Variants in ACSM2B observed in about 807,000 individuals in gnomAD.
ACSM2B encodes acyl-CoA synthetase medium chain family member 2B, also known as acyl-coenzyme A synthetase ACSM2B, mitochondrial.
ACSM2B carries 58 observed loss-of-function variants against 78.6 expected under a neutral mutation model. The ratio of observed to expected loss-of-function variants is 0.74; its 90% CI spans 0.60 to 0.92. The LOEUF is 0.92. ACSM2B is among the 40% of genes least tolerant of loss of function. The pLI is 0.00. For missense variants in ACSM2B, 688 were observed against 711.2 expected, an observed-to-expected ratio of 0.97 and a Z score of 0.37; for synonymous variants, 257 against 256.8, an observed-to-expected ratio of 1.00 and a Z score of -0.01.
At chr16:20,540,890 C>G in intron 12 of ACSM2B, 117 bp from the exon 13 acceptor site, 1 of 1,426,114 alleles carries the variant, frequency 7.0e-7, no homozygotes. Flanking sequence ...TTTGCACCCC[C>G]GGTGATCCAG....
intron 8 of ACSM2B, chr16:20,547,301 T>C (rs1248909690): frequency 1.0e-6 from 1 of 985,366 alleles, no homozygotes; most frequent in Non-Finnish European, 1.2e-6. Flanking sequence ...CACAACTCCA[T>C]TGTCCTTATT....
chr16:20,550,490 AT>A (rs1168794209), intron 6 of ACSM2B, among the ~76,000 whole-genome samples: 1 of 151,990 alleles, frequency 6.6e-6, no homozygotes, highest in Non-Finnish European at 1.5e-5. Context: ...GTCTGTTTTC[AT>A]TTTTTTAATG....
At chr16:20,564,249 A>G (rs1310426874) in intron 2 of ACSM2B, among the ~76,000 whole-genome samples, 1 of 151,876 alleles carries the variant, frequency 6.6e-6, no homozygotes, top group Non-Finnish European at 1.5e-5. Context: ...ATGTGCCACC[A>G]TGCCTGGCTA....
At chr16:20,559,921 T>G (rs58621128) in intron 2 of ACSM2B, among the ~76,000 whole-genome samples, 28,059 of 151,026 alleles carry the variant, frequency 0.19, 3,893 homozygotes, top group East Asian at 0.69. Flanking sequence ...TTGTATACTC[T>G]TGAAAGAATT....
chr16:20,548,090 A>C lies in ACSM2B; in HGVS notation c.1070T>G (p.Ile357Ser), dbSNP rs781683350. ...TTCTGTCTGGCCATAGAATTCTCGG[A>C]TGTCCAGTCCTGTCTGGGCCCTCCA... ...ENWRAQTGLD[I>S]REFYGQTETG... The change falls in exon 8 of 14, where the codon ATC (isoleucine) becomes AGC (serine). Residue 357 changes from isoleucine to serine, a missense_variant. Ile to Ser is a moderately radical substitution (Grantham distance 142, BLOSUM62 -2). Transcript: ENST00000329697. The C allele has an allele frequency of 6.2e-7, 1 of 1,614,080 alleles. No individual in the cohort carries two copies. Among genetic ancestry groups the C allele is most frequent in the Non-Finnish European group, 8.5e-7 (1 of 1,179,924 alleles).
At chr16:20,573,418 T>G (rs1026922754) in intron 1 of ACSM2B, among the ~76,000 whole-genome samples, 1 of 149,702 alleles carries the variant, frequency 6.7e-6, no homozygotes, top group Non-Finnish European at 1.5e-5. Context: ...CAGACAAAGG[T>G]GGAAAGGCTG....
intron 1 of ACSM2B, among the ~76,000 whole-genome samples, chr16:20,567,060 T>C (rs1382226100): frequency 1.5e-5 from 2 of 134,880 alleles, no homozygotes; most frequent in Non-Finnish European, 3.1e-5. Flanking sequence ...AAGACATGAA[T>C]GCTCACTCTT....
chr16:20,572,178 G>A, intron 1 of ACSM2B, among the ~76,000 whole-genome samples: 1 of 150,766 alleles, frequency 6.6e-6, no homozygotes, highest in Non-Finnish European at 1.5e-5. Context: ...GTCATGTGAG[G>A]TTTATGCTTT....
rs530395411 is a variant in ACSM2B, at chr16:20,559,438, G to A, written c.187C>T (p.Arg63Ter). Residue 63 changes from arginine (R) to a stop codon, truncating the protein, a stop_gained, in exon 3 of 14, where the codon CGA (arginine) becomes TGA (stop). Transcript: ENST00000329697. LOFTEE classifies it high-confidence loss of function. ...HWADMEKAGK[R>*]LPSPALWWVN... is the part of the protein sequence containing the mutation. ...CACCACAGGGCTGGGCTTGGGAGTC[G>A]CTTGCCAGCCTGAGGAAAGAGAAAC... 76 of 1,612,628 alleles carry A rather than the reference G, an allele frequency of 4.7e-5. No individual in the cohort carries two copies. Among genetic ancestry groups the A allele is most frequent in the African/African-American group, 2.3e-4 (17 of 74,826 alleles).
intron 6 of ACSM2B, chr16:20,549,719 G>A (rs1172301614): frequency 9.1e-6 from 4 of 441,028 alleles, no homozygotes; most frequent in African/African-American, 8.2e-5. Context: ...GTGCACTTTG[G>A]TTTTATACAT....
chr16:20,550,046 G>T (rs764537699), intron 6 of ACSM2B, among the ~76,000 whole-genome samples: 9 of 152,100 alleles, frequency 5.9e-5, no homozygotes, highest in Admixed American at 1.3e-4. Flanking sequence ...ATACCAGAAA[G>T]GTATAATGAG....
At position 20,565,290 on chromosome 16, in the gene ACSM2B, A is replaced by T. The variant is rs941509517; in HGVS notation, c.-8-437T>A. 5.3e-5 allele frequency among the ~76,000 whole-genome samples: 8 copies of T among 152,140 alleles called. No homozygotes were observed. In the East Asian group the frequency reaches 9.7e-4, roughly 18 times the overall value. ...CCTCTCATTGACTTTGGCTTGCTCAAGAGATATGCTTTGGTCAATGAGATG... is the reference window on the plus strand; with the variant it reads ...CCTCTCATTGACTTTGGCTTGCTCATGAGATATGCTTTGGTCAATGAGATG... On this transcript the variant is annotated intron_variant, in intron 1 of 13. Coordinates refer to ENST00000329697, the MANE Select transcript of ACSM2B (RefSeq NM_001105069.2).
chr16:20,559,058 TA>T lies in ACSM2B; in HGVS notation c.388+178del, dbSNP rs1385431143. 3.3e-5 allele frequency among the ~76,000 whole-genome samples: 5 copies of T among 152,230 alleles called. No individual in the cohort carries two copies. In the East Asian group the frequency reaches 7.7e-4, roughly 23 times the overall value. On this transcript the variant is annotated intron_variant, in intron 3 of 13. Transcript: ENST00000329697. ...TGTCATTGTTGTTGTTCACCCTGCATAAGTGCTTGGCACATAGTTTGCTTAA... is the reference window on the plus strand; with the variant it reads ...TGTCATTGTTGTTGTTCACCCTGCATAGTGCTTGGCACATAGTTTGCTTAA...
rs186319133 is a variant in ACSM2B, at chr16:20,565,221, T to C, written c.-8-368A>G. On this transcript the variant is annotated intron_variant, in intron 1 of 13. Transcript: ENST00000329697. ...TAGGATTATAAATCCCCATTCATTT[T>C]TAAGTGACTACCCAGTGCATTTAGG... is the stretch of plus-strand genomic sequence containing the variant. Among the ~76,000 whole-genome samples the C allele has an allele frequency of 3.7e-3, 571 of 152,328 alleles. 4 individuals carry two copies. Among genetic ancestry groups the C allele is most frequent in the African/African-American group, 0.013 (556 of 41,564 alleles).
In ACSM2B at chr16:20,556,724, C is replaced by T. The variant is rs185663831; in HGVS notation, c.389-1248G>A. Reference sequence around the variant, plus strand: ...CCTTAGCTCACTTTCTTCCCACTCTCAACACTTTGGGATTCTCACTGCACA... The same window carrying T: ...CCTTAGCTCACTTTCTTCCCACTCTTAACACTTTGGGATTCTCACTGCACA... On this transcript the variant is annotated intron_variant, in intron 3 of 13. Transcript: ENST00000329697. Among the ~76,000 whole-genome samples, 15 of 152,324 alleles carry T rather than the reference C, an allele frequency of 9.8e-5. No homozygotes were observed. The East Asian group carries it at 2.9e-3, about 29-fold the overall frequency.
intron 1 of ACSM2B, among the ~76,000 whole-genome samples, chr16:20,566,855 C>T (rs1184483034): frequency 3.3e-5 from 4 of 119,594 alleles, no homozygotes; most frequent in South Asian, 4.8e-4. Context: ...TATAGACACA[C>T]TATATACTAT....
At chr16:20,567,513 A>ATATAAATT (rs1400027151) in intron 1 of ACSM2B, among the ~76,000 whole-genome samples, 4 of 129,620 alleles carry the variant, frequency 3.1e-5, no homozygotes, top group Admixed American at 9.1e-5. Flanking sequence ...ATATATAAAT[A>ATATAAATT]ATATATAAAT....
chr16:20,551,540 C>A (rs1260153232), intron 6 of ACSM2B, among the ~76,000 whole-genome samples: 4 of 151,970 alleles, frequency 2.6e-5, no homozygotes, highest in African/African-American at 4.8e-5. Context: ...TATGCTGGCA[C>A]CCTGATCTCA....
At chr16:20,554,324 G>T in intron 4 of ACSM2B, 1 of 365,460 alleles carries the variant, frequency 2.7e-6, no homozygotes, top group Non-Finnish European at 5.2e-6. Flanking sequence ...GTGGACAGGA[G>T]GGGTGGAATT....
Sources: gnomAD v4.1 joint callset for allele counts (sites outside exome capture counted in the v4.1 genomes callset) on GRCh38, gnomAD v4.1.1 for gene constraint, MANE v1.5 for transcripts, NCBI Gene and HGNC (gene_info 2026-07-23, HGNC 2026-07-21) for gene names.